The following PLXNA4 variants were observed in gnomAD, a reference collection of about 807,000 sequenced individuals.
PLXNA4 encodes plexin A4, also known as plexin-A4.
PLXNA4 carries 44 observed loss-of-function variants against 191.8 expected under a neutral mutation model. The observed-to-expected ratio is 0.23, with a 90% CI of 0.18 to 0.29. PLXNA4 has a LOEUF of 0.29. Among genes scored for constraint, PLXNA4 ranks in the 10% least tolerant of loss-of-function variants. The pLI, the probability that PLXNA4 is intolerant of heterozygous loss-of-function variation, is 1.00. For missense variants in PLXNA4, 1,800 were observed against 2,488.8 expected, an observed-to-expected ratio of 0.72 and a Z score of 5.89; for synonymous variants, 1,082 against 1,009.5, an observed-to-expected ratio of 1.07 and a Z score of -1.36.
chr7:132,461,789 A>G (rs1028182996), intron 3 of PLXNA4, among the ~76,000 whole-genome samples: 3 of 152,200 alleles, frequency 2.0e-5, no homozygotes, highest in African/African-American at 4.8e-5. Context: ...AAAGAAAAAT[A>G]CTCAGTCAAG....
At chr7:132,640,247 C>T (rs979729565) in intron 2 of PLXNA4, among the ~76,000 whole-genome samples, 3 of 152,202 alleles carry the variant, frequency 2.0e-5, no homozygotes, top group African/African-American at 7.2e-5. Context: ...CCAGAGAAGA[C>T]ATGATCAGCA....
chr7:132,615,216 G>T (rs184572222), intron 2 of PLXNA4, among the ~76,000 whole-genome samples: 21 of 152,144 alleles, frequency 1.4e-4, no homozygotes, highest in African/African-American at 4.8e-4. Flanking sequence ...GGAGCGGGAG[G>T]GGGGTTCGGG....
chr7:132,292,644 C>A (rs1800935264), intron 4 of PLXNA4, among the ~76,000 whole-genome samples: 1 of 152,110 alleles, frequency 6.6e-6, no homozygotes, highest in South Asian at 2.1e-4. Flanking sequence ...TATACCTGGC[C>A]CTTTCTCTGG....
Position 132,523,947 on chromosome 7 carries a change from G to A in PLXNA4, c.-86-15168C>T, listed in dbSNP as rs186057323. 3.7e-3 allele frequency among the ~76,000 whole-genome samples: 560 copies of A among 152,318 alleles called. 1 individual carries two copies. Among genetic ancestry groups the A allele is most frequent in the Middle Eastern group, 6.8e-3 (2 of 294 alleles). ...TGAGGTTGTCTAGAGGGCCCACCTG[G>A]CCCAGGTTGATGCTCAAGAGAACAA... is the stretch of plus-strand genomic sequence containing the variant. On this transcript the variant is annotated intron_variant, in intron 1 of 31. Transcript: ENST00000321063.
chr7:132,626,527 C>T (rs549602608), intron 2 of PLXNA4, among the ~76,000 whole-genome samples: 22 of 152,198 alleles, frequency 1.4e-4, no homozygotes, highest in Admixed American at 1.2e-3. Flanking sequence ...CATGAGTGAG[C>T]CCTCGTGAGA....
chr7:132,469,699 C>T (rs1390578127), intron 3 of PLXNA4, among the ~76,000 whole-genome samples: 3 of 152,218 alleles, frequency 2.0e-5, no homozygotes, highest in Admixed American at 6.5e-5. Flanking sequence ...TTCGTCCATT[C>T]TAATTTTTCT....
chr7:132,373,383 G>A (rs953302505), intron 3 of PLXNA4, among the ~76,000 whole-genome samples: 5 of 152,174 alleles, frequency 3.3e-5, no homozygotes, highest in African/African-American at 1.2e-4. Flanking sequence ...AGTGCCTCAT[G>A]CCCTAAGATT....
chr7:132,230,982 T>C (rs1180668463), intron 5 of PLXNA4, among the ~76,000 whole-genome samples: 1 of 152,164 alleles, frequency 6.6e-6, no homozygotes, highest in African/African-American at 2.4e-5. Flanking sequence ...GCTCGGGGGA[T>C]CTCAGGACAA....
chr7:132,346,770 A>T (rs1289362164), intron 3 of PLXNA4, among the ~76,000 whole-genome samples: 2 of 152,260 alleles, frequency 1.3e-5, no homozygotes, highest in Non-Finnish European at 2.9e-5. Context: ...GAATTTACAC[A>T]TACACACACA....
At chr7:132,363,600 G>A (rs1804035122) in intron 3 of PLXNA4, among the ~76,000 whole-genome samples, 1 of 152,128 alleles carries the variant, frequency 6.6e-6, no homozygotes, top group Non-Finnish European at 1.5e-5. Context: ...ATCTGTTGAT[G>A]GACATTTGGG....
chr7:132,203,212 GCCACT>G (rs1399491261), intron 11 of PLXNA4, 106 bp downstream of exon 11: 12 of 940,346 alleles, frequency 1.3e-5, no homozygotes, highest in African/African-American at 3.2e-5. Context: ...GAGAGGGACA[GCCACT>G]AGGAGGCGGG....
At chr7:132,331,679 C>T (rs147225815) in intron 3 of PLXNA4, among the ~76,000 whole-genome samples, 1 of 152,310 alleles carries the variant, frequency 6.6e-6, no homozygotes, top group East Asian at 1.9e-4. Flanking sequence ...ATAATGGTGG[C>T]TATTGCTCTC....
At chr7:132,605,061 G>T (rs574037755) in intron 2 of PLXNA4, among the ~76,000 whole-genome samples, 1 of 152,328 alleles carries the variant, frequency 6.6e-6, no homozygotes, top group South Asian at 2.1e-4. Flanking sequence ...ATTAACAAAT[G>T]TGCAGGCCCC....
rs548646908 is a variant in PLXNA4 at position 132,406,807 on chromosome 7, G to A, written c.1371+82485C>T. Among the ~76,000 whole-genome samples the A allele has an allele frequency of 1.1e-4, 16 of 152,154 alleles. 1 individual carries two copies. The highest frequency in any genetic ancestry group is 2.9e-5 in the Non-Finnish European group (2 of 67,988). ...CCACGCAACCTCTCTGTGAATGAAG[G>A]TAAGAAGGGCCAAGTTCAAATCTCG... On this transcript the variant is annotated intron_variant, in intron 3 of 31. Transcript: ENST00000321063.
At chr7:132,636,478 C>T (rs73160213) in intron 2 of PLXNA4, among the ~76,000 whole-genome samples, 14,816 of 152,100 alleles carry the variant, frequency 0.097, 862 homozygotes, top group Non-Finnish European at 0.13. Flanking sequence ...AAGGAAGAGC[C>T]CCCCCAGGAG....
At chr7:132,639,343 T>A (rs1377597022) in intron 2 of PLXNA4, among the ~76,000 whole-genome samples, 2 of 152,214 alleles carry the variant, frequency 1.3e-5, no homozygotes, top group African/African-American at 4.8e-5. Flanking sequence ...TCAAACCTCA[T>A]GCTCTTGCGT....
chr7:132,312,750 T>C (rs868598931), intron 3 of PLXNA4, among the ~76,000 whole-genome samples: 2 of 152,226 alleles, frequency 1.3e-5, no homozygotes, highest in African/African-American at 4.8e-5. Flanking sequence ...TTTCCTCATC[T>C]GGAAGATGCA....
intron 2 of PLXNA4, among the ~76,000 whole-genome samples, chr7:132,495,729 C>T (rs1009736087): frequency 6.6e-6 from 1 of 152,196 alleles, no homozygotes; most frequent in Non-Finnish European, 1.5e-5. Context: ...CTGTCCGTTG[C>T]ATAGGGTAAG....
At chr7:132,446,930 C>T (rs1414497669) in intron 3 of PLXNA4, among the ~76,000 whole-genome samples, 1 of 152,190 alleles carries the variant, frequency 6.6e-6, no homozygotes, top group Non-Finnish European at 1.5e-5. Context: ...CTGGACCTTC[C>T]ATCCTCCCTT....
Sources: allele counts gnomAD v4.1 joint callset (sites outside exome capture counted in the v4.1 genomes callset), GRCh38; gene constraint gnomAD v4.1.1; transcripts MANE v1.5; gene names NCBI Gene and HGNC (gene_info 2026-07-23, HGNC 2026-07-21).